ZNF85: variants seen among roughly 807,000 people sequenced by gnomAD.
ZNF85 encodes zinc finger protein 85 (HPF4, HTF1).
A neutral mutation model predicts 53.9 loss-of-function variants in ZNF85; 50 were observed. The ratio of observed to expected loss-of-function variants is 0.93; its 90% CI spans 0.74 to 1.17. ZNF85 has a LOEUF of 1.17. Among genes scored for constraint, ZNF85 ranks in the 50% most tolerant of loss-of-function variants. ZNF85 has a pLI of 0.00. For synonymous variants in ZNF85, 225 were observed against 226.1 expected (o/e 1.00, Z 0.04); for missense variants, 747 against 688.5 (o/e 1.08, Z -0.95).
intron 3 of ZNF85, chr19:20,937,321 C>T (rs1251998454): frequency 1.5e-5 from 7 of 456,096 alleles, no homozygotes; most frequent in East Asian, 6.9e-5. Flanking sequence ...TGAGCCTCAG[C>T]GCCCAGCCCT....
intron 1 of ZNF85, 113 bp from the exon 2 acceptor site, chr19:20,933,911 C>T (rs969200640): frequency 5.1e-6 from 6 of 1,172,600 alleles, no homozygotes; most frequent in Non-Finnish European, 5.8e-6. Context: ...TCTCTCATTT[C>T]ACCTTGAGTA....
chr19:20,935,079 G>A (rs369443146), intron 3 of ZNF85, 32 bp downstream of exon 3: 3 of 1,480,204 alleles, frequency 2.0e-6, no homozygotes, highest in African/African-American at 1.4e-5. Flanking sequence ...TACAGCAGAT[G>A]ACACATGAGA....
intron 1 of ZNF85, among the ~76,000 whole-genome samples, chr19:20,930,136 A>AAT (rs991153603): frequency 1.2e-4 from 18 of 150,582 alleles, no homozygotes; most frequent in Admixed American, 6.6e-4. Flanking sequence ...AAAAAAAAAA[A>AAT]AAAAAAGAAA....
chr19:20,947,488 CTTTTTTTTTTTTTTTT>C (rs768097517), intron 3 of ZNF85, among the ~76,000 whole-genome samples: 7 of 51,634 alleles, frequency 1.4e-4, no homozygotes, highest in Admixed American at 6.8e-4. Flanking sequence ...TGCCAATACA[CTTTTTTTTTTTTTTTT>C]TTTTTTTTTT....
At chr19:20,924,766 A>T (rs35713135) in intron 1 of ZNF85, among the ~76,000 whole-genome samples, 14,440 of 152,264 alleles carry the variant, frequency 0.095, 821 homozygotes, top group Non-Finnish European at 0.12. Context: ...AATATTTCCC[A>T]TGAGAAGAAA....
chr19:20,924,224 A>G (rs1189357199), intron 1 of ZNF85, among the ~76,000 whole-genome samples: 1 of 152,176 alleles, frequency 6.6e-6, no homozygotes, highest in African/African-American at 2.4e-5. Flanking sequence ...AGACTTTTAT[A>G]AGGTGCATGA....
In ZNF85 at chr19:20,950,481, A is replaced by G; in HGVS notation, c.*179A>G. The G allele has an allele frequency of 2.6e-6, 1 of 389,488 alleles. No homozygotes were observed. Among genetic ancestry groups the G allele is most frequent in the East Asian group, 4.0e-5 (1 of 25,002 alleles). 24.1% of individuals were successfully genotyped at this position (389,488 alleles called of 1,614,324 possible). A position where few individuals can be genotyped will look rare whatever the true frequency, so the allele number is the denominator to read the frequency against. ...GTGAAGACTATGGCAAAGTCTTTAA[A>G]TGGTTGTCACACTTTAGGTAAGATA... On this transcript the variant is annotated 3_prime_UTR_variant, in exon 4 of 4. Coordinates refer to ENST00000328178, the MANE Select transcript of ZNF85 (RefSeq NM_003429.5).
intron 3 of ZNF85, chr19:20,943,502 G>T (rs1973349266): frequency 6.6e-6 from 1 of 152,132 alleles, no homozygotes; most frequent in Non-Finnish European, 1.5e-5. Flanking sequence ...TCCACCAGAG[G>T]CAGATGCCGG....
At chr19:20,944,296 AGT>A (rs1181560159) in intron 3 of ZNF85, 3 of 151,618 alleles carry the variant, frequency 2.0e-5, no homozygotes, top group African/African-American at 7.3e-5. Context: ...CCTAGTCTCA[AGT>A]AAGCTGACTG....
chr19:20,942,436 T>C (rs113943235), intron 3 of ZNF85, among the ~76,000 whole-genome samples: 1,813 of 152,232 alleles, frequency 0.012, 33 homozygotes, highest in African/African-American at 0.034. Context: ...GCCACCTTGC[T>C]GGCCTATTAT....
chr19:20,947,486 C>G (rs554999555), intron 3 of ZNF85, among the ~76,000 whole-genome samples: 1 of 97,660 alleles, frequency 1.0e-5, no homozygotes, highest in South Asian at 3.7e-4. Flanking sequence ...AGTGCCAATA[C>G]ACTTTTTTTT....
At chr19:20,930,461 T>TA (rs943549819) in intron 1 of ZNF85, among the ~76,000 whole-genome samples, 14 of 152,092 alleles carry the variant, frequency 9.2e-5, no homozygotes, top group African/African-American at 1.7e-4. Context: ...TCTATGCAAT[T>TA]AAAAAAAATC....
At chr19:20,935,586 A>G (rs1374670311) in intron 3 of ZNF85, among the ~76,000 whole-genome samples, 1 of 152,008 alleles carries the variant, frequency 6.6e-6, no homozygotes, top group Non-Finnish European at 1.5e-5. Flanking sequence ...TGCTTTGGCT[A>G]TTCAAAGTTT....
At chr19:20,940,787 AG>A (rs1479508279) in intron 3 of ZNF85, among the ~76,000 whole-genome samples, 1 of 152,218 alleles carries the variant, frequency 6.6e-6, no homozygotes, top group Non-Finnish European at 1.5e-5. Context: ...CTTATTTTAA[AG>A]GGACATAATA....
chr19:20,944,494 A>G (rs577750002), intron 3 of ZNF85, among the ~76,000 whole-genome samples: 106 of 147,520 alleles, frequency 7.2e-4, no homozygotes, highest in African/African-American at 2.3e-3. Flanking sequence ...ATATATTTTT[A>G]TATACTTATA....
intron 3 of ZNF85, among the ~76,000 whole-genome samples, chr19:20,939,842 C>T (rs755285224): frequency 6.6e-6 from 1 of 152,042 alleles, no homozygotes; most frequent in African/African-American, 2.4e-5. Flanking sequence ...GGATTACAGG[C>T]ATGCACCACC....
intron 3 of ZNF85, among the ~76,000 whole-genome samples, chr19:20,938,469 G>T (rs1336737133): frequency 6.6e-6 from 1 of 152,116 alleles, no homozygotes; most frequent in African/African-American, 2.4e-5. Context: ...TCTCATAAGG[G>T]CATTTTTGTC....
intron 3 of ZNF85, among the ~76,000 whole-genome samples, chr19:20,939,114 C>G (rs974060442): frequency 6.6e-6 from 1 of 152,106 alleles, no homozygotes; most frequent in Non-Finnish European, 1.5e-5. Context: ...TTCAAAGTAC[C>G]TGCTTTCCAT....
At chr19:20,929,661 TA>T (rs1210254262) in intron 1 of ZNF85, among the ~76,000 whole-genome samples, 2 of 152,202 alleles carry the variant, frequency 1.3e-5, no homozygotes, top group Non-Finnish European at 2.9e-5. Context: ...TTCTCTTAGG[TA>T]AGCTTAGGAA....
Sources: allele counts gnomAD v4.1 joint callset (sites outside exome capture counted in the v4.1 genomes callset), GRCh38; gene constraint gnomAD v4.1.1; transcripts MANE v1.5; gene names NCBI Gene and HGNC (gene_info 2026-07-23, HGNC 2026-07-21).